The following RAB22A variants were observed in gnomAD, a reference collection of about 807,000 sequenced individuals.
RAB22A encodes the protein ras-related protein Rab-22A.
Under a neutral mutation model 30.2 loss-of-function variants are expected in RAB22A, and 13 were observed. The ratio of observed to expected loss-of-function variants is 0.43; its 90% CI spans 0.28 to 0.68. The LOEUF (loss-of-function observed/expected upper bound fraction) is 0.68. Ranked by LOEUF, RAB22A falls within the 30% of genes least tolerant of loss-of-function variation. The pLI, the probability that RAB22A is intolerant of heterozygous loss-of-function variation, is 0.18. For synonymous variants in RAB22A, 89 were observed against 87.2 expected (o/e 1.02, Z -0.11); for missense variants, 177 against 246.8 (o/e 0.72, Z 1.89).
At position 58,311,048 on chromosome 20, in the gene RAB22A, A is replaced by G. The variant is rs1305175990; in HGVS notation, c.42A>G (p.Thr14=). Residue 14 remains threonine, a synonymous_variant, in exon 2 of 7, where the codon ACA becomes ACG. Coordinates refer to ENST00000244040, the MANE Select transcript of RAB22A (RefSeq NM_020673.3). ...RELKVCLLGD[T]GVGKSSIVWR... ...CTCATCTCGTTCTCTTTCAGGATAC[A>G]GGTGTAGGTAAATCGAGTATTGTGT... 1 of 1,601,092 alleles carries G rather than the reference A, an allele frequency of 6.2e-7. No homozygotes were observed. The highest frequency in any genetic ancestry group is 1.7e-5 in the Admixed American group (1 of 60,004).
At chr20:58,324,102 G>T (rs937787486) in intron 2 of RAB22A, among the ~76,000 whole-genome samples, 3 of 152,122 alleles carry the variant, frequency 2.0e-5, no homozygotes, top group Admixed American at 6.5e-5. Context: ...GATAAAACTG[G>T]TTGAGAAACT....
chr20:58,343,165 G>C (rs907139189), intron 2 of RAB22A, among the ~76,000 whole-genome samples: 1 of 152,176 alleles, frequency 6.6e-6, no homozygotes, highest in East Asian at 1.9e-4. Flanking sequence ...CAGGGGCACT[G>C]ATGATGAATC....
At chr20:58,330,123 A>T (rs1285798361) in intron 2 of RAB22A, among the ~76,000 whole-genome samples, 1 of 152,218 alleles carries the variant, frequency 6.6e-6, no homozygotes, top group Non-Finnish European at 1.5e-5. Flanking sequence ...TGTAGGTTAT[A>T]TGCAAATGCT....
At chr20:58,319,482 A>C (rs1986410604) in intron 2 of RAB22A, among the ~76,000 whole-genome samples, 1 of 152,220 alleles carries the variant, frequency 6.6e-6, no homozygotes, top group African/African-American at 2.4e-5. Context: ...TCTTGGAATC[A>C]GATAGTGTAT....
intron 2 of RAB22A, among the ~76,000 whole-genome samples, chr20:58,319,527 C>T (rs1405518388): frequency 6.6e-6 from 1 of 152,180 alleles, no homozygotes; most frequent in Non-Finnish European, 1.5e-5. Context: ...TCATGTCTGG[C>T]TCCTCTGGGT....
chr20:58,329,093 A>C (rs1315140516), intron 2 of RAB22A, among the ~76,000 whole-genome samples: 1 of 140,770 alleles, frequency 7.1e-6, no homozygotes, highest in African/African-American at 2.7e-5. Context: ...TCATTCTGTC[A>C]CCCAGGCTGG....
At chr20:58,330,487 T>C (rs1263604344) in intron 2 of RAB22A, among the ~76,000 whole-genome samples, 2 of 152,154 alleles carry the variant, frequency 1.3e-5, no homozygotes, top group African/African-American at 4.8e-5. Context: ...TTTCTTGGAT[T>C]ATCTAGTAGT....
intron 3 of RAB22A, among the ~76,000 whole-genome samples, chr20:58,347,727 G>A (rs1382487983): frequency 6.6e-6 from 1 of 152,216 alleles, no homozygotes; most frequent in East Asian, 1.9e-4. Context: ...TAGAGTCTTT[G>A]TGAGACCATT....
intron 2 of RAB22A, 22 bp from the exon 3 acceptor site, chr20:58,343,696 T>A: frequency 6.4e-7 from 1 of 1,563,924 alleles, no homozygotes; most frequent in Non-Finnish European, 8.8e-7. Context: ...TGTATTCTGA[T>A]CATTTAGGTC....
At chr20:58,310,772 G>A (rs1446299704) in intron 1 of RAB22A, among the ~76,000 whole-genome samples, 1 of 152,152 alleles carries the variant, frequency 6.6e-6, no homozygotes, top group Admixed American at 6.5e-5. Context: ...AAAGCAAGTG[G>A]ACTTGTTACT....
chr20:58,344,732 G>A (rs759067687), intron 3 of RAB22A, among the ~76,000 whole-genome samples: 3 of 152,206 alleles, frequency 2.0e-5, no homozygotes, highest in Admixed American at 6.5e-5. Flanking sequence ...TAGATAGTGT[G>A]TGTAGTATGA....
chr20:58,347,960 C>T (rs1337391902), intron 3 of RAB22A, among the ~76,000 whole-genome samples: 1 of 152,248 alleles, frequency 6.6e-6, no homozygotes, highest in Non-Finnish European at 1.5e-5. Flanking sequence ...GGCATAGTGG[C>T]TCACGCCTGT....
At chr20:58,334,659 C>T (rs1479601399) in intron 2 of RAB22A, among the ~76,000 whole-genome samples, 4 of 150,484 alleles carry the variant, frequency 2.7e-5, no homozygotes, top group Admixed American at 6.6e-5. Context: ...TGATGGACTC[C>T]GTGATATAAA....
At chr20:58,355,816 C>T (rs1987120587) in intron 6 of RAB22A, among the ~76,000 whole-genome samples, 1 of 152,106 alleles carries the variant, frequency 6.6e-6, no homozygotes, top group South Asian at 2.1e-4. Flanking sequence ...CAGAGCAAAA[C>T]CCTGTCTCTT....
Position 58,345,509 on chromosome 20 carries a change from G to A in RAB22A, c.198+1710G>A, listed in dbSNP as rs1986930717. 2 of 152,372 alleles carry A rather than the reference G, an allele frequency of 1.3e-5. 1 individual carries two copies. The highest frequency in any genetic ancestry group is 4.1e-4 in the South Asian group (2 of 4,828). The allele number at this position is 152,372 out of a possible 1,614,324, so 9.4% of individuals were successfully genotyped here. A position where few individuals can be genotyped will look rare whatever the true frequency, so the allele number is the denominator to read the frequency against. On this transcript the variant is annotated intron_variant, in intron 3 of 6. Transcript: ENST00000244040. ...TCACACAGCCCAGAGCTGCACAGGA[G>A]ATGCTCATGGGGCCAAGCCACAGGC... is the stretch of plus-strand genomic sequence containing the variant.
chr20:58,336,194 T>G (rs936039160), intron 2 of RAB22A, among the ~76,000 whole-genome samples: 1 of 152,102 alleles, frequency 6.6e-6, no homozygotes, highest in Non-Finnish European at 1.5e-5. Context: ...GTATTTTTAG[T>G]AGAGATGGGG....
chr20:58,357,411 T>C (rs1197170027), intron 6 of RAB22A, among the ~76,000 whole-genome samples: 1 of 152,214 alleles, frequency 6.6e-6, no homozygotes, highest in Non-Finnish European at 1.5e-5. Context: ...ATGGCTTGCC[T>C]TTGATTTTTT....
At chr20:58,313,217 C>T (rs747297818) in intron 2 of RAB22A, among the ~76,000 whole-genome samples, 7 of 152,340 alleles carry the variant, frequency 4.6e-5, no homozygotes, top group African/African-American at 1.2e-4. Context: ...TGCCAGATGC[C>T]TGTGGCTCCT....
chr20:58,325,108 CG>C (rs1986541265), intron 2 of RAB22A, among the ~76,000 whole-genome samples: 2 of 145,904 alleles, frequency 1.4e-5, no homozygotes, highest in South Asian at 4.4e-4. Context: ...ACCTGGGAGT[CG>C]GAGGTTGCAG....
Sources: allele counts gnomAD v4.1 joint callset (sites outside exome capture counted in the v4.1 genomes callset), GRCh38; gene constraint gnomAD v4.1.1; transcripts MANE v1.5; gene names NCBI Gene and HGNC (gene_info 2026-07-23, HGNC 2026-07-21).